The following ACTR3C variants were observed in gnomAD, a reference collection of about 807,000 sequenced individuals.
ACTR3C encodes the protein actin-related protein 3C.
Under a neutral mutation model 26.3 loss-of-function variants are expected in ACTR3C, and 18 were observed. The ratio of observed to expected loss-of-function variants is 0.68; its 90% confidence interval spans 0.47 to 1.01. The LOEUF (loss-of-function observed/expected upper bound fraction) is 1.01. ACTR3C is among the 50% of genes least tolerant of loss of function. The pLI, the probability that ACTR3C is intolerant of heterozygous loss-of-function variation, is 0.00. For synonymous variants in ACTR3C, 55 were observed against 94.5 expected, an observed-to-expected ratio of 0.58 and a Z score of 2.42; for missense variants, 184 against 250.7, an observed-to-expected ratio of 0.73 and a Z score of 1.80.
At chr7:150,160,899 G>C in the ACTR3C span, among the ~76,000 whole-genome samples, 1 of 146,492 alleles carries the variant, frequency 6.8e-6, no homozygotes, top group African/African-American at 2.6e-5. Flanking sequence ...ATTCAGAGAA[G>C]GCAGAGAAAT....
chr7:150,228,601 G>A, the ACTR3C span, among the ~76,000 whole-genome samples: 1 of 152,060 alleles, frequency 6.6e-6, no homozygotes, highest in African/African-American at 2.4e-5. Flanking sequence ...GAAGAGAGGG[G>A]CCATGAACCA....
chr7:150,034,780 G>C, the ACTR3C span, among the ~76,000 whole-genome samples: 12 of 151,300 alleles, frequency 7.9e-5, no homozygotes, highest in Admixed American at 7.2e-4. Context: ...AAGCCAGGGG[G>C]GGAAGAGGGT....
chr7:149,921,833 A>C, the ACTR3C span, among the ~76,000 whole-genome samples: 4 of 152,082 alleles, frequency 2.6e-5, no homozygotes, highest in Non-Finnish European at 5.9e-5. Context: ...GCCGAGATCA[A>C]GCCACTGCAC....
At chr7:150,085,736 T>C in the ACTR3C span, among the ~76,000 whole-genome samples, 1 of 152,126 alleles carries the variant, frequency 6.6e-6, no homozygotes, top group East Asian at 1.9e-4. Context: ...GTATCCATCA[T>C]TATCAAGCAG....
the ACTR3C span, among the ~76,000 whole-genome samples, chr7:149,929,739 C>T: frequency 6.6e-6 from 1 of 152,044 alleles, no homozygotes. Flanking sequence ...CCATGTTGGC[C>T]AGGTTGGTCT....
intron 1 of ACTR3C, among the ~76,000 whole-genome samples, chr7:150,315,212 A>AC (rs1796745925): frequency 6.6e-6 from 1 of 151,570 alleles, no homozygotes; most frequent in Non-Finnish European, 1.5e-5. Context: ...CACAAAAAGC[A>AC]ATGACTATAA....
At chr7:150,248,292 G>C (rs1469296128) in intron 7 of ACTR3C, 2 of 152,044 alleles carry the variant, frequency 1.3e-5, no homozygotes, top group African/African-American at 4.8e-5. Context: ...CTCCCGTACT[G>C]GCCCTGGGCC....
the ACTR3C span, among the ~76,000 whole-genome samples, chr7:149,904,034 C>T: frequency 8.7e-6 from 1 of 114,906 alleles, no homozygotes; most frequent in African/African-American, 2.5e-5. Flanking sequence ...ATTCTCATGC[C>T]TCAGCCTTCC....
the ACTR3C span, among the ~76,000 whole-genome samples, chr7:150,007,661 G>A: frequency 8.5e-5 from 13 of 152,090 alleles, no homozygotes; most frequent in South Asian, 2.3e-3. Context: ...GAGGACTGCC[G>A]TGGGAATGAG....
the ACTR3C span, among the ~76,000 whole-genome samples, chr7:150,171,516 T>C: frequency 6.6e-6 from 1 of 150,770 alleles, no homozygotes; most frequent in Admixed American, 6.6e-5. Flanking sequence ...TTATTAAATG[T>C]CTACATTAGA....
the ACTR3C span, among the ~76,000 whole-genome samples, chr7:150,028,740 G>A: frequency 1.3e-5 from 2 of 152,246 alleles, no homozygotes; most frequent in Admixed American, 6.5e-5. Context: ...GTGTTAATCC[G>A]ACTTTGGTCA....
At position 150,258,773 on chromosome 7, in the gene ACTR3C, T is replaced by C. The variant is rs566228997; in HGVS notation, c.565-9719A>G. 2.1e-4 allele frequency among the ~76,000 whole-genome samples: 31 copies of C among 150,650 alleles called. 1 individual carries two copies. The highest frequency in any genetic ancestry group is 3.3e-4 in the Admixed American group (5 of 15,148). On this transcript the variant is annotated intron_variant, in intron 6 of 7. Transcript: ENST00000683684. ...CACCATTAAAGATCCAACATAAGAA[T>C]ACAGCAAGGGTGATCCCTGTTATGT...
the ACTR3C span, among the ~76,000 whole-genome samples, chr7:150,070,305 C>A: frequency 2.0e-5 from 3 of 152,170 alleles, no homozygotes; most frequent in Admixed American, 1.3e-4. Flanking sequence ...CCGACAGAAG[C>A]CTCCTCTGGG....
chr7:149,998,639 T>C, the ACTR3C span, among the ~76,000 whole-genome samples: 1 of 149,706 alleles, frequency 6.7e-6, no homozygotes, highest in Admixed American at 6.7e-5. Context: ...AGGGTAACCA[T>C]CTCCACGATT....
At chr7:150,266,576 T>C (rs1834057262) in intron 6 of ACTR3C, among the ~76,000 whole-genome samples, 1 of 152,166 alleles carries the variant, frequency 6.6e-6, no homozygotes, top group Non-Finnish European at 1.5e-5. Context: ...AAAAAGTTTA[T>C]AAATGGGGTT....
At chr7:150,233,670 C>T in the ACTR3C span, among the ~76,000 whole-genome samples, 1 of 151,320 alleles carries the variant, frequency 6.6e-6, no homozygotes, top group African/African-American at 2.5e-5. Context: ...CTAGCATTTC[C>T]TTTTGATTGT....
At chr7:150,138,085 T>C in the ACTR3C span, among the ~76,000 whole-genome samples, 1 of 152,184 alleles carries the variant, frequency 6.6e-6, no homozygotes, top group Non-Finnish European at 1.5e-5. Flanking sequence ...GGGCTTCATC[T>C]AGAAATGTTT....
At chr7:149,951,597 A>C in the ACTR3C span, among the ~76,000 whole-genome samples, 1 of 151,918 alleles carries the variant, frequency 6.6e-6, no homozygotes, top group African/African-American at 2.4e-5. Context: ...CATGACAAGG[A>C]GGTCTGCTTT....
the ACTR3C span, among the ~76,000 whole-genome samples, chr7:149,941,842 C>A: frequency 4.9e-3 from 744 of 152,228 alleles, 5 homozygotes; most frequent in African/African-American, 0.017. Context: ...GGAACTTGGA[C>A]GAAGCCCTGC....
Sources: gnomAD v4.1 joint callset for allele counts (sites outside exome capture counted in the v4.1 genomes callset) on GRCh38, gnomAD v4.1.1 for gene constraint, MANE v1.5 for transcripts, NCBI Gene and HGNC (gene_info 2026-07-23, HGNC 2026-07-21) for gene names.